Variants in RYR2 observed in about 807,000 individuals in gnomAD.
RYR2 encodes the protein cardiac muscle ryanodine receptor-calcium release channel.
Under a neutral mutation model 601.1 loss-of-function variants are expected in RYR2, and 227 were observed. The ratio of observed to expected loss-of-function variants is 0.38; its 90% CI spans 0.34 to 0.42. The LOEUF is 0.42. Among genes scored for constraint, RYR2 ranks in the 10% least tolerant of loss-of-function variants. The pLI is 1.00. For synonymous variants in RYR2, 2,223 were observed against 2,175.1 expected, an observed-to-expected ratio of 1.02 and a Z score of -0.61; for missense variants, 4,646 against 6,156.5, an observed-to-expected ratio of 0.75 and a Z score of 8.21.
At chr1:237,136,013 G>A (rs1438326569) in intron 1 of RYR2, among the ~76,000 whole-genome samples, 3 of 152,194 alleles carry the variant, frequency 2.0e-5, no homozygotes, top group African/African-American at 7.2e-5. Context: ...TGTTGTGCAG[G>A]AAAGCCACTT....
chr1:237,425,447 A>C (rs1706055520), intron 12 of RYR2, among the ~76,000 whole-genome samples: 1 of 152,160 alleles, frequency 6.6e-6, no homozygotes, highest in Non-Finnish European at 1.5e-5. Context: ...GAATCTGACC[A>C]ACATGGTGAA....
chr1:237,546,265 A>G (rs775177349), intron 25 of RYR2, among the ~76,000 whole-genome samples: 128 of 152,368 alleles, frequency 8.4e-4, no homozygotes, highest in African/African-American at 2.9e-3. Context: ...ATTGAATGAC[A>G]TAGATCAGTA....
At chr1:237,178,107 T>G (rs1321297250) in intron 1 of RYR2, among the ~76,000 whole-genome samples, 2 of 152,238 alleles carry the variant, frequency 1.3e-5, no homozygotes, top group African/African-American at 4.8e-5. Flanking sequence ...GGGGTTTTAA[T>G]GAGCATTTCT....
chr1:237,684,935 A>AG (rs984133323), intron 62 of RYR2, among the ~76,000 whole-genome samples: 3 of 2,394 alleles, frequency 1.3e-3, no homozygotes, highest in Middle Eastern at 0.5. Context: ...AATTAGAGAG[A>AG]AAAAAAAAAA....
intron 1 of RYR2, among the ~76,000 whole-genome samples, chr1:237,235,004 C>A (rs1037152625): frequency 6.6e-6 from 1 of 152,140 alleles, no homozygotes; most frequent in East Asian, 1.9e-4. Flanking sequence ...AGTAACCCCC[C>A]CTGGGGTTCA....
intron 3 of RYR2, among the ~76,000 whole-genome samples, chr1:237,342,304 G>A (rs894948977): frequency 1.3e-5 from 2 of 149,878 alleles, no homozygotes; most frequent in African/African-American, 4.9e-5. Flanking sequence ...CACCATGCCT[G>A]GCTAATTAAT....
chr1:237,739,446 G>A (rs930282352), intron 79 of RYR2, among the ~76,000 whole-genome samples: 1 of 152,166 alleles, frequency 6.6e-6, no homozygotes, highest in East Asian at 1.9e-4. Flanking sequence ...TCACCCCAAC[G>A]GTGGTTTTAC....
intron 1 of RYR2, among the ~76,000 whole-genome samples, chr1:237,054,201 T>TTTCCTCCC (rs760404094): frequency 7.0e-5 from 10 of 143,322 alleles, no homozygotes; most frequent in Non-Finnish European, 1.2e-4. Flanking sequence ...TCTTCCCTTC[T>TTTCCTCCC]TTCCTCCCTT....
chr1:237,717,072 A>T lies in RYR2; in HGVS notation c.10324-126A>T. The stretch of plus-strand genomic sequence containing the variant: ...AGAGAAAAATTATTCTCAAAACAGG[A>T]GGATTTTCAAAACTAGGGAGCAGCA... On this transcript the variant is annotated intron_variant, in intron 71 of 104. Coordinates refer to ENST00000366574, the MANE Select transcript of RYR2 (RefSeq NM_001035.3). The T allele has an allele frequency of 3.9e-6, 3 of 762,240 alleles. No individual in the cohort carries two copies. In the South Asian group the frequency reaches 6.8e-5, roughly 17 times the overall value. The allele number at this position is 762,240 out of a possible 1,614,324, so 47.2% of individuals were successfully genotyped here.
chr1:237,104,523 G>A (rs1348264332), intron 1 of RYR2, among the ~76,000 whole-genome samples: 1 of 152,184 alleles, frequency 6.6e-6, no homozygotes, highest in African/African-American at 2.4e-5. Flanking sequence ...TCGCTTAAAT[G>A]TGCTGTGCCT....
chr1:237,376,872 A>G (rs1558711351), intron 7 of RYR2, among the ~76,000 whole-genome samples: 1 of 152,202 alleles, frequency 6.6e-6, no homozygotes, highest in African/African-American at 2.4e-5. Context: ...TTGAGTCAGC[A>G]TCCAAAAATA....
chr1:237,059,918 G>A lies in RYR2; in HGVS notation c.48+17349G>A, dbSNP rs568807344. On this transcript the variant is annotated intron_variant, in intron 1 of 104. Coordinates refer to ENST00000366574, the MANE Select transcript of RYR2 (RefSeq NM_001035.3). ...CCTCCTGTGTGTCAGGTGTCTGTAG[G>A]GTGCTGTAGACTTATACTTAAAGCG... Among the ~76,000 whole-genome samples the A allele has an allele frequency of 1.1e-4, 17 of 152,196 alleles. No individual in the cohort carries two copies. The South Asian group carries it at 3.5e-3, about 32-fold the overall frequency.
rs922635567 is a variant in RYR2, at chr1:237,106,996, A to T, written c.48+64427A>T. Among the ~76,000 whole-genome samples, 1 of 152,182 alleles carries T rather than the reference A, an allele frequency of 6.6e-6. No homozygotes were observed. The highest frequency in any genetic ancestry group is 2.4e-5 in the African/African-American group (1 of 41,450). ...CATATGATTTTGGGGGGACTGAGGG[A>T]CATAAACATTTAGTCTGTAACACAA... On this transcript the variant is annotated intron_variant, in intron 1 of 104. Transcript: ENST00000366574. This position sits in a 1 kb window ranked among gnomAD's most constrained non-coding sequence, Gnocchi z 4.4.
chr1:237,572,545 C>T (rs1672810177), intron 29 of RYR2, among the ~76,000 whole-genome samples: 1 of 152,102 alleles, frequency 6.6e-6, no homozygotes, highest in Non-Finnish European at 1.5e-5. Flanking sequence ...CTTTGTATTT[C>T]ATAGAATTTT....
chr1:237,111,935 A>G (rs1669520727), intron 1 of RYR2, among the ~76,000 whole-genome samples: 1 of 152,114 alleles, frequency 6.6e-6, no homozygotes, highest in Non-Finnish European at 1.5e-5. Context: ...GAAAGCAGGT[A>G]CCTTGTCTGT....
At chr1:237,531,638 G>C (rs984510025) in intron 25 of RYR2, among the ~76,000 whole-genome samples, 4 of 152,160 alleles carry the variant, frequency 2.6e-5, no homozygotes, top group Admixed American at 1.3e-4. Context: ...ATTTAAGCAA[G>C]TCTCTAGTTC....
In RYR2 at chr1:237,443,151, C is replaced by T. The variant is rs189292730; in HGVS notation, c.1170+1668C>T. The stretch of plus-strand genomic sequence containing the variant: ...AAAGTACTCATTTTTTTCTTTGGTG[C>T]TGTTCTGTTCGTAAGCCCTTTCTGT... On this transcript the variant is annotated intron_variant, in intron 13 of 104. Coordinates refer to ENST00000366574, the MANE Select transcript of RYR2 (RefSeq NM_001035.3). 1.1e-4 allele frequency among the ~76,000 whole-genome samples: 16 copies of T among 152,120 alleles called. No individual in the cohort carries two copies. In the East Asian group the frequency reaches 2.7e-3, roughly 26 times the overall value.
chr1:237,503,353 C>A lies in RYR2; in HGVS notation c.2461C>A (p.Pro821Thr). 1 of 1,613,890 alleles carries A rather than the reference C, an allele frequency of 6.2e-7. No individual in the cohort carries two copies. The highest frequency in any genetic ancestry group is 8.5e-7 in the Non-Finnish European group (1 of 1,179,876). Residue 821 changes from proline to threonine, a missense_variant, in exon 22 of 105, where the codon CCT becomes ACT. Pro to Thr is a conservative substitution (Grantham distance 38, BLOSUM62 -1). Coordinates refer to ENST00000366574, the MANE Select transcript of RYR2 (RefSeq NM_001035.3). ...FKFLPPPGYA[P>T]CYEAVLPKEK... ...ATTTCTTCCTCCACCTGGGTATGCTCCTTGTTATGAAGCTGTTCTGCCAAA... is the reference window on the plus strand; with the variant it reads ...ATTTCTTCCTCCACCTGGGTATGCTACTTGTTATGAAGCTGTTCTGCCAAA...
intron 10 of RYR2, among the ~76,000 whole-genome samples, chr1:237,406,960 C>T (rs1053202728): frequency 1.3e-5 from 2 of 152,190 alleles, no homozygotes; most frequent in African/African-American, 4.8e-5. Context: ...ACAATAATTT[C>T]ACTGCTCTCA....
Sources: allele counts gnomAD v4.1 joint callset (sites outside exome capture counted in the v4.1 genomes callset), GRCh38; gene constraint gnomAD v4.1.1; non-coding constraint Gnocchi (gnomAD v3.1); transcripts MANE v1.5; gene names NCBI Gene and HGNC (gene_info 2026-07-23, HGNC 2026-07-21).